The following SPOCK3 variants were observed in gnomAD, a reference collection of about 807,000 sequenced individuals.
SPOCK3 encodes the protein testican-3.
A neutral mutation model predicts 56.6 loss-of-function variants in SPOCK3; 30 were observed. That is an observed-to-expected ratio of 0.53 (90% confidence interval 0.40 to 0.72). The LOEUF (loss-of-function observed/expected upper bound fraction) is 0.72. Among genes scored for constraint, SPOCK3 ranks in the 30% least tolerant of loss-of-function variants. The pLI, the probability that SPOCK3 is intolerant of heterozygous loss-of-function variation, is 0.00. For missense variants in SPOCK3, 527 were observed against 530.0 expected (o/e 0.99, Z 0.06); for synonymous variants, 196 against 183.3 (o/e 1.07, Z -0.56).
At chr4:167,152,125 A>C (rs1490778612) in intron 2 of SPOCK3, among the ~76,000 whole-genome samples, 1 of 152,260 alleles carries the variant, frequency 6.6e-6, no homozygotes, top group Non-Finnish European at 1.5e-5. Flanking sequence ...TTGAGATACA[A>C]ATATAAGTAG....
At chr4:167,200,729 T>C (rs1157234387) in intron 2 of SPOCK3, among the ~76,000 whole-genome samples, 1 of 152,060 alleles carries the variant, frequency 6.6e-6, no homozygotes, top group Non-Finnish European at 1.5e-5. Context: ...CCTTGGAAGT[T>C]GAGAAAACAA....
rs1419050134 is a variant in SPOCK3 at position 166,748,331 on chromosome 4, A to G, written c.931+6177T>C. 4.4e-5 allele frequency among the ~76,000 whole-genome samples: 6 copies of G among 136,782 alleles called. 1 individual carries two copies. The highest frequency in any genetic ancestry group is 2.8e-4 in the Admixed American group (4 of 14,290). The allele number at this position is 136,782 out of a possible 152,430, so 89.7% of individuals were successfully genotyped here. ...GAACAGAGCCCTCAGAAATAATACC[A>G]CACATCTACAACCATCTGATCTTTG... On this transcript the variant is annotated intron_variant, in intron 8 of 10. Coordinates refer to ENST00000357545, the MANE Select transcript of SPOCK3 (RefSeq NM_001040159.2).
At chr4:167,105,232 A>G (rs1002454621) in intron 2 of SPOCK3, among the ~76,000 whole-genome samples, 1 of 152,072 alleles carries the variant, frequency 6.6e-6, no homozygotes, top group Non-Finnish European at 1.5e-5. Context: ...TAAGAACTAC[A>G]ACAACTTTCC....
At chr4:167,201,714 GA>G (rs1311488559) in intron 2 of SPOCK3, among the ~76,000 whole-genome samples, 1 of 151,356 alleles carries the variant, frequency 6.6e-6, no homozygotes, top group Non-Finnish European at 1.5e-5. Context: ...ACTAATGTGG[GA>G]CAATTTCTAA....
At chr4:166,839,660 T>C (rs913471853) in intron 6 of SPOCK3, among the ~76,000 whole-genome samples, 2 of 152,134 alleles carry the variant, frequency 1.3e-5, no homozygotes, top group African/African-American at 4.8e-5. Flanking sequence ...TCAAGTAACA[T>C]AGAACTGTGT....
chr4:167,066,083 T>G (rs951228671), intron 2 of SPOCK3, among the ~76,000 whole-genome samples: 1 of 151,964 alleles, frequency 6.6e-6, no homozygotes, highest in Admixed American at 6.6e-5. Context: ...CAAAATAAAG[T>G]CTACATAAAA....
intron 7 of SPOCK3, among the ~76,000 whole-genome samples, chr4:166,789,201 G>A (rs142723601): frequency 0.023 from 3,445 of 151,954 alleles, 66 homozygotes; most frequent in African/African-American, 0.038. Context: ...AAGCCAAGGC[G>A]GGCAGATCAC....
intron 4 of SPOCK3, among the ~76,000 whole-genome samples, chr4:166,931,288 C>T (rs146195262): frequency 1.3e-3 from 185 of 137,822 alleles, no homozygotes; most frequent in Middle Eastern, 7.9e-3. Flanking sequence ...GGCCCAGAGG[C>T]AATTTTCTAT....
intron 2 of SPOCK3, among the ~76,000 whole-genome samples, chr4:167,144,946 A>G (rs908322597): frequency 6.6e-6 from 1 of 151,930 alleles, no homozygotes; most frequent in African/African-American, 2.4e-5. Flanking sequence ...TCTCAAAATT[A>G]ATAGTGTTGA....
chr4:167,029,881 T>G (rs17052779), intron 3 of SPOCK3, among the ~76,000 whole-genome samples: 5,100 of 152,132 alleles, frequency 0.034, 306 homozygotes, highest in African/African-American at 0.12. Flanking sequence ...CTTCTGGAAC[T>G]CATGTTAGAA....
At chr4:167,108,352 C>A (rs1443766184) in intron 2 of SPOCK3, among the ~76,000 whole-genome samples, 1 of 151,930 alleles carries the variant, frequency 6.6e-6, no homozygotes, top group African/African-American at 2.4e-5. Flanking sequence ...GATATCTCCA[C>A]TCTCATGTTT....
intron 6 of SPOCK3, among the ~76,000 whole-genome samples, chr4:166,852,820 T>C (rs1251079799): frequency 6.6e-6 from 1 of 152,156 alleles, no homozygotes; most frequent in African/African-American, 2.4e-5. Context: ...TATGGAAACA[T>C]TGTGTGGGAT....
chr4:166,743,968 G>T (rs1735221029), intron 8 of SPOCK3, among the ~76,000 whole-genome samples: 1 of 152,136 alleles, frequency 6.6e-6, no homozygotes, highest in Non-Finnish European at 1.5e-5. Flanking sequence ...GCTCGATCTG[G>T]GTGGAGCCCA....
At position 166,733,585 on chromosome 4, in the gene SPOCK3, C is replaced by A. The variant is rs747357259; in HGVS notation, c.*1336G>T. The A allele has an allele frequency of 8.6e-5, 13 of 151,832 alleles. No homozygotes were observed. The highest frequency in any genetic ancestry group is 3.9e-4 in the East Asian group (2 of 5,186). 9.4% of individuals were successfully genotyped at this position (151,832 alleles called of 1,614,324 possible). ...ACTGTTGAAATTAAAGATACCAATA[C>A]GTAACATTCAACAGGTTTTTCCATT... On this transcript the variant is annotated 3_prime_UTR_variant, in exon 11 of 11. Transcript: ENST00000357545.
At chr4:167,197,728 T>A (rs1733097344) in intron 2 of SPOCK3, among the ~76,000 whole-genome samples, 1 of 152,160 alleles carries the variant, frequency 6.6e-6, no homozygotes. Flanking sequence ...TCCACGCTCA[T>A]CTGATGTTAT....
intron 6 of SPOCK3, among the ~76,000 whole-genome samples, chr4:166,841,478 T>C (rs1055287210): frequency 3.9e-5 from 6 of 152,226 alleles, no homozygotes; most frequent in Non-Finnish European, 5.9e-5. Flanking sequence ...CACTGGCTTC[T>C]ATTGTTAAAA....
intron 2 of SPOCK3, among the ~76,000 whole-genome samples, chr4:167,154,565 T>A (rs1463882796): frequency 6.6e-6 from 1 of 152,160 alleles, no homozygotes; most frequent in Admixed American, 6.6e-5. Context: ...AAGAAAGAAA[T>A]TACCTCAATA....
At position 166,793,884 on chromosome 4, in the gene SPOCK3, A is replaced by G. The variant is rs538134509; in HGVS notation, c.590-1595T>C. 4.6e-5 allele frequency among the ~76,000 whole-genome samples: 7 copies of G among 152,260 alleles called. 1 individual carries two copies. The South Asian group carries it at 6.2e-4, about 14-fold the overall frequency. On this transcript the variant is annotated intron_variant, in intron 6 of 10. Transcript: ENST00000357545. ...AGGATCTGAAAAACTAACCATCCAT[A>G]CAATCTTTCCCCAGGATGCTAGTAC...
At chr4:167,052,513 A>T in intron 3 of SPOCK3, among the ~76,000 whole-genome samples, 1 of 152,204 alleles carries the variant, frequency 6.6e-6, no homozygotes, top group Admixed American at 6.5e-5. Context: ...TAATCAAATA[A>T]AGGCTCAGAA....
Sources: allele counts gnomAD v4.1 joint callset (sites outside exome capture counted in the v4.1 genomes callset), GRCh38; gene constraint gnomAD v4.1.1; transcripts MANE v1.5; gene names NCBI Gene and HGNC (gene_info 2026-07-23, HGNC 2026-07-21).